The following POFUT3 variants were observed in gnomAD, a reference collection of about 807,000 sequenced individuals.
The protein encoded by POFUT3 is protein O-fucosyltransferase 3.
chr8:33,440,431 T>C, the POFUT3 span, among the ~76,000 whole-genome samples: 1 of 152,158 alleles, frequency 6.6e-6, no homozygotes, highest in African/African-American at 2.4e-5. Flanking sequence ...TGTGTACATA[T>C]CTCATGAGCT....
chr8:33,320,688 T>C, the POFUT3 span, among the ~76,000 whole-genome samples: 1 of 152,088 alleles, frequency 6.6e-6, no homozygotes, highest in Non-Finnish European at 1.5e-5. Flanking sequence ...TGACAGTTGA[T>C]GTCAATTAAA....
chr8:33,470,510 G>A, the POFUT3 span, among the ~76,000 whole-genome samples: 1 of 152,108 alleles, frequency 6.6e-6, no homozygotes, highest in East Asian at 1.9e-4. Context: ...TTCAAGAGCA[G>A]GGATTCTTTT....
At chr8:33,394,423 C>T in the POFUT3 span, among the ~76,000 whole-genome samples, 2 of 152,130 alleles carry the variant, frequency 1.3e-5, no homozygotes, top group African/African-American at 2.4e-5. Flanking sequence ...AAATCCTGTT[C>T]GAAGTCTTAC....
the POFUT3 span, among the ~76,000 whole-genome samples, chr8:33,342,306 G>A: frequency 6.6e-6 from 1 of 152,108 alleles, no homozygotes; most frequent in Non-Finnish European, 1.5e-5. Flanking sequence ...GCAGTGAGCT[G>A]TGTTTGTACC....
chr8:33,385,178 G>A, the POFUT3 span, among the ~76,000 whole-genome samples: 92 of 152,210 alleles, frequency 6.0e-4, no homozygotes, highest in Non-Finnish European at 1.1e-3. Flanking sequence ...CCAGTGACCC[G>A]CTTGCTTATT....
the POFUT3 span, among the ~76,000 whole-genome samples, chr8:33,418,815 C>T: frequency 9.9e-3 from 1,506 of 152,214 alleles, 44 homozygotes; most frequent in East Asian, 0.13. Flanking sequence ...AGCCAAGATA[C>T]GGAATCAATC....
chr8:33,336,619 G>A, the POFUT3 span, among the ~76,000 whole-genome samples: 1 of 152,164 alleles, frequency 6.6e-6, no homozygotes, highest in African/African-American at 2.4e-5. Flanking sequence ...TATTCAGAAA[G>A]CCTGGGAGGA....
chr8:33,379,015 G>A, the POFUT3 span, among the ~76,000 whole-genome samples: 11 of 152,212 alleles, frequency 7.2e-5, no homozygotes, highest in Admixed American at 5.9e-4. Context: ...CCCCCATGCT[G>A]TTGTCATGAT....
the POFUT3 span, among the ~76,000 whole-genome samples, chr8:33,319,432 A>T: frequency 3.7e-4 from 24 of 65,654 alleles, 6 homozygotes; most frequent in South Asian, 1.3e-3. Flanking sequence ...TTATATATAT[A>T]TTTTTTATAT....
At chr8:33,389,126 T>A in the POFUT3 span, 10 of 1,614,188 alleles carry the variant, frequency 6.2e-6, no homozygotes, top group Non-Finnish European at 8.5e-6. Flanking sequence ...CCATTCTACA[T>A]AGGCCTCATA....
the POFUT3 span, among the ~76,000 whole-genome samples, chr8:33,401,129 C>A: frequency 6.6e-6 from 1 of 152,044 alleles, no homozygotes; most frequent in Non-Finnish European, 1.5e-5. Flanking sequence ...ATTACAGGTG[C>A]ATGCCACCAT....
the POFUT3 span, among the ~76,000 whole-genome samples, chr8:33,312,277 T>TAGAG: frequency 7.8e-4 from 108 of 137,608 alleles, no homozygotes; most frequent in African/African-American, 1.8e-3. Context: ...AAAAAAGAAA[T>TAGAG]AGAGAGAGAG....
At chr8:33,440,477 A>AC in the POFUT3 span, among the ~76,000 whole-genome samples, 26 of 151,848 alleles carry the variant, frequency 1.7e-4, no homozygotes, top group African/African-American at 2.2e-4. Flanking sequence ...TGCCACTATA[A>AC]CCCCCCCGCA....
chr8:33,439,805 T>C, the POFUT3 span, among the ~76,000 whole-genome samples: 1 of 151,368 alleles, frequency 6.6e-6, no homozygotes, highest in Non-Finnish European at 1.5e-5. Context: ...GGGCGGAGGT[T>C]GCAGTGAGCC....
the POFUT3 span, chr8:33,371,369 C>A: frequency 6.6e-6 from 1 of 152,134 alleles, no homozygotes; most frequent in Non-Finnish European, 1.5e-5. Context: ...CTAAGCACAC[C>A]AAGGGCACAG....
At chr8:33,469,481 AC>A in the POFUT3 span, among the ~76,000 whole-genome samples, 1 of 152,148 alleles carries the variant, frequency 6.6e-6, no homozygotes, top group Non-Finnish European at 1.5e-5. Context: ...TTCAGGAGAG[AC>A]CAGTAGAGGA....
At chr8:33,438,165 T>C in the POFUT3 span, among the ~76,000 whole-genome samples, 5 of 152,196 alleles carry the variant, frequency 3.3e-5, no homozygotes, top group Non-Finnish European at 5.9e-5. Flanking sequence ...ATTGATAACA[T>C]GAGGTTGAAC....
the POFUT3 span, among the ~76,000 whole-genome samples, chr8:33,384,372 A>G: frequency 2.0e-5 from 3 of 152,320 alleles, no homozygotes; most frequent in East Asian, 3.9e-4. Context: ...GAGAATATCT[A>G]GTCTCTAGTC....
chr8:33,365,154 G>A, the POFUT3 span, among the ~76,000 whole-genome samples: 1 of 152,106 alleles, frequency 6.6e-6, no homozygotes, highest in Non-Finnish European at 1.5e-5. Context: ...AACAAGAAAT[G>A]GGGAAAGGAT....
Sources: gnomAD v4.1 joint callset for allele counts (sites outside exome capture counted in the v4.1 genomes callset) on GRCh38, gnomAD v4.1.1 for gene constraint, MANE v1.5 for transcripts, NCBI Gene and HGNC (gene_info 2026-07-23, HGNC 2026-07-21) for gene names.